Variants in IDE observed in about 807,000 individuals in gnomAD.
The protein encoded by IDE is insulin degrading enzyme, also known as insulin-degrading enzyme.
In IDE, 58 loss-of-function variants were observed where a neutral mutation model predicts 133.2. That is an observed-to-expected ratio of 0.44 (90% CI 0.35 to 0.54). IDE has a LOEUF of 0.54. IDE is among the 20% of genes least tolerant of loss of function. The pLI, the probability that IDE is intolerant of heterozygous loss-of-function variation, is 0.00. For synonymous variants in IDE, 396 were observed against 421.3 expected, an observed-to-expected ratio of 0.94 and a Z score of 0.73; for missense variants, 981 against 1,234.0, an observed-to-expected ratio of 0.79 and a Z score of 3.07.
intron 13 of IDE, among the ~76,000 whole-genome samples, chr10:92,484,235 A>AC (rs1413908486): frequency 1.3e-5 from 2 of 151,790 alleles, no homozygotes; most frequent in Non-Finnish European, 2.9e-5. Flanking sequence ...ACATGGTGAA[A>AC]CCCCGTCTCT....
chr10:92,573,886 C>T, intron 1 of IDE, 36 bp downstream of exon 1: 1 of 1,391,310 alleles, frequency 7.2e-7, no homozygotes, highest in Non-Finnish European at 9.4e-7. Flanking sequence ...CTGTGACCCA[C>T]GGGGCCCGAG....
chr10:92,513,171 T>C (rs767740323), intron 5 of IDE, among the ~76,000 whole-genome samples: 4 of 152,298 alleles, frequency 2.6e-5, no homozygotes, highest in Non-Finnish European at 4.4e-5. Flanking sequence ...ATATATGGTA[T>C]ATTAGAGTTT....
At chr10:92,525,940 C>A (rs537577543) in intron 4 of IDE, among the ~76,000 whole-genome samples, 1 of 151,794 alleles carries the variant, frequency 6.6e-6, no homozygotes, top group African/African-American at 2.4e-5. Flanking sequence ...GCAGATCACT[C>A]GAGCTCAGGA....
intron 11 of IDE, among the ~76,000 whole-genome samples, chr10:92,500,609 T>C (rs1266653293): frequency 6.6e-6 from 1 of 152,220 alleles, no homozygotes; most frequent in East Asian, 1.9e-4. Flanking sequence ...ACTGACCATG[T>C]ATGTGTGGAA....
chr10:92,502,327 C>T (rs754769105), intron 11 of IDE, among the ~76,000 whole-genome samples: 2 of 152,110 alleles, frequency 1.3e-5, no homozygotes, highest in Non-Finnish European at 2.9e-5. Flanking sequence ...AATATTTGCT[C>T]TCTTCTACTG....
At chr10:92,481,691 T>C (rs1005857786) in intron 14 of IDE, among the ~76,000 whole-genome samples, 3 of 152,158 alleles carry the variant, frequency 2.0e-5, no homozygotes, top group African/African-American at 7.2e-5. Flanking sequence ...GACACACACA[T>C]GAAAATTTCA....
intron 11 of IDE, among the ~76,000 whole-genome samples, chr10:92,494,818 C>A (rs1847590100): frequency 6.6e-6 from 1 of 152,120 alleles, no homozygotes; most frequent in South Asian, 2.1e-4. Flanking sequence ...AATAAACTCT[C>A]CTGAGATTTT....
intron 21 of IDE, among the ~76,000 whole-genome samples, chr10:92,462,867 C>T (rs551266): frequency 0.85 from 129,414 of 152,234 alleles, 55,232 homozygotes; most frequent in East Asian, 0.92. Flanking sequence ...AAATGAGAGA[C>T]AGTATTATCA....
At chr10:92,503,927 A>T (rs1848162383) in intron 11 of IDE, among the ~76,000 whole-genome samples, 1 of 152,106 alleles carries the variant, frequency 6.6e-6, no homozygotes, top group Non-Finnish European at 1.5e-5. Context: ...CATGTTGGTC[A>T]GGCTGGTCTC....
chr10:92,514,930 A>T lies in IDE; in HGVS notation c.774T>A (p.Val258=), dbSNP rs750360737. 3 of 1,611,514 alleles carry T rather than the reference A, an allele frequency of 1.9e-6. No homozygotes were observed. The highest frequency in any genetic ancestry group is 1.7e-4 in the Middle Eastern group (1 of 6,054). The change falls in exon 5 of 25, where the codon GTT becomes GTA. Residue 258 remains valine (V), a synonymous_variant. Coordinates refer to ENST00000265986, the MANE Select transcript of IDE (RefSeq NM_004969.4). ...YYSSNLMAVC[V]LGRESLDDLT... ...TGTAAGGGTTCTTACCTCGACCTAA[A>T]ACACAAACAGCCATTAAGTTGGATG...
intron 5 of IDE, among the ~76,000 whole-genome samples, chr10:92,511,119 T>G (rs1423482303): frequency 1.3e-5 from 2 of 149,152 alleles, no homozygotes; most frequent in Admixed American, 6.7e-5. Context: ...TTTTTTTTTT[T>G]GAAGCAAGGT....
intron 7 of IDE, 39 bp downstream of exon 7, chr10:92,508,689 T>C (rs779715426): frequency 1.9e-6 from 3 of 1,581,670 alleles, no homozygotes; most frequent in Middle Eastern, 1.7e-4. Flanking sequence ...AGTGAAAAGA[T>C]GTGGTGGACA....
intron 12 of IDE, 42 bp from the exon 13 acceptor site, chr10:92,487,360 T>C (rs532731595): frequency 1.3e-6 from 2 of 1,559,038 alleles, no homozygotes; most frequent in South Asian, 1.2e-5. Context: ...AAGAGTCTGA[T>C]TTAAGAGTTT....
intron 20 of IDE, among the ~76,000 whole-genome samples, chr10:92,464,423 A>G (rs1350473030): frequency 6.6e-6 from 1 of 152,096 alleles, no homozygotes; most frequent in Non-Finnish European, 1.5e-5. Flanking sequence ...CTCCTACTGT[A>G]TTTCTTGTTA....
In IDE at chr10:92,508,840, T is replaced by C. The variant is rs751705951; in HGVS notation, c.948A>G (p.Thr316=). ...ATTTCTGAAGGTCAGGTATGGGAAA[T>C]GTCACATAGAGATTCCTAATATCTT... ...PIKDIRNLYV[T]FPIPDLQKYY... Residue 316 remains threonine (T), a synonymous_variant, in exon 7 of 25, where the codon ACA becomes ACG. Coordinates refer to ENST00000265986, the MANE Select transcript of IDE (RefSeq NM_004969.4). 1 of 1,613,196 alleles carries C rather than the reference T, an allele frequency of 6.2e-7. No homozygotes were observed. Among genetic ancestry groups the C allele is most frequent in the East Asian group, 2.2e-5 (1 of 44,860 alleles).
chr10:92,502,778 A>T (rs11187034), intron 11 of IDE, among the ~76,000 whole-genome samples: 15,230 of 152,254 alleles, frequency 0.1, 882 homozygotes, highest in South Asian at 0.17. Flanking sequence ...AATTATCTAG[A>T]GTTGAAAAAG....
chr10:92,510,716 T>C (rs372419393), intron 5 of IDE, among the ~76,000 whole-genome samples: 2 of 148,802 alleles, frequency 1.3e-5, no homozygotes, highest in African/African-American at 2.5e-5. Context: ...ATGATATATA[T>C]CACATACATC....
chr10:92,571,186 G>A (rs181735163), intron 1 of IDE, among the ~76,000 whole-genome samples: 1 of 151,886 alleles, frequency 6.6e-6, no homozygotes, highest in East Asian at 2.0e-4. Flanking sequence ...TAATTTTTTT[G>A]TATTTTTAGT....
chr10:92,568,826 AT>A (rs200191427), intron 1 of IDE, among the ~76,000 whole-genome samples: 20 of 147,898 alleles, frequency 1.4e-4, no homozygotes, highest in African/African-American at 4.3e-4. Flanking sequence ...AAAAAAAAAA[AT>A]AATAATAATA....
Sources: gnomAD v4.1 joint callset for allele counts (sites outside exome capture counted in the v4.1 genomes callset) on GRCh38, gnomAD v4.1.1 for gene constraint, MANE v1.5 for transcripts, NCBI Gene and HGNC (gene_info 2026-07-23, HGNC 2026-07-21) for gene names.